The following DNAAF5 variants were observed in gnomAD, a reference collection of about 807,000 sequenced individuals.
DNAAF5 encodes the protein dynein axonemal assembly factor 5.
Under a neutral mutation model 75.8 loss-of-function variants are expected in DNAAF5, and 64 were observed. That is an observed-to-expected ratio of 0.84 (90% CI 0.69 to 1.04). The LOEUF is 1.04. Among genes scored for constraint, DNAAF5 ranks in the 50% least tolerant of loss-of-function variants. The probability of loss-of-function intolerance (pLI) is 0.00; values close to 1 mark genes in which losing one functional copy is unlikely to be tolerated. For missense variants in DNAAF5, 1,269 were observed against 1,178.5 expected (o/e 1.08, Z -1.12); for synonymous variants, 657 against 557.2 (o/e 1.18, Z -2.52).
At chr7:778,545 T>G (rs570971044) in intron 11 of DNAAF5, 3 of 152,424 alleles carry the variant, frequency 2.0e-5, no homozygotes, top group Admixed American at 1.3e-4. Context: ...AAAGTGGACC[T>G]GCAGGCCATC....
At chr7:776,127 C>T (rs1778753712) in intron 11 of DNAAF5, among the ~76,000 whole-genome samples, 1 of 152,056 alleles carries the variant, frequency 6.6e-6, no homozygotes, top group Admixed American at 6.5e-5. Context: ...ATCACAAAGT[C>T]AAGAGATAGA....
intron 12 of DNAAF5, among the ~76,000 whole-genome samples, chr7:785,263 G>A (rs1191080369): frequency 6.8e-6 from 1 of 147,764 alleles, no homozygotes; most frequent in African/African-American, 2.4e-5. Context: ...TCCCCAGATT[G>A]TGAGTCGGGT....
At position 760,178 on chromosome 7, in the gene DNAAF5, G is replaced by C. The variant is rs971862022; in HGVS notation, c.1471-1575G>C. ...TCTTCTGTGGGTCAGGGCGGGGCCGGGGTGCAAGGACAGAACGCTGCTGTA... is the reference window on the plus strand; with the variant it reads ...TCTTCTGTGGGTCAGGGCGGGGCCGCGGTGCAAGGACAGAACGCTGCTGTA... On this transcript the variant is annotated intron_variant, in intron 6 of 12. Coordinates refer to ENST00000297440, the MANE Select transcript of DNAAF5 (RefSeq NM_017802.4). Among the ~76,000 whole-genome samples, 7 of 152,266 alleles carry C rather than the reference G, an allele frequency of 4.6e-5. No individual in the cohort carries two copies. The East Asian group carries it at 1.4e-3, about 29-fold the overall frequency.
chr7:757,457 G>T (rs1782523559), intron 6 of DNAAF5, among the ~76,000 whole-genome samples: 1 of 152,132 alleles, frequency 6.6e-6, no homozygotes, highest in Non-Finnish European at 1.5e-5. Flanking sequence ...CAGTCCCCAG[G>T]GTACCTGCAC....
At position 774,289 on chromosome 7, in the gene DNAAF5, G is replaced by A. The variant is rs548510342; in HGVS notation, c.2082+91G>A. Reference sequence around the variant, plus strand: ...CAGAGCTCCCGCAGCAGGAACTTGGGCAGGCAGCAGCTGCACCTCCACCTG... The same window carrying A: ...CAGAGCTCCCGCAGCAGGAACTTGGACAGGCAGCAGCTGCACCTCCACCTG... On this transcript the variant is annotated intron_variant, in intron 10 of 12. Transcript: ENST00000297440. 357 of 1,328,290 alleles carry A rather than the reference G, an allele frequency of 2.7e-4. 1 individual carries two copies. In the African/African-American group the frequency reaches 4.5e-3, roughly 17 times the overall value. The allele number at this position is 1,328,290 out of a possible 1,614,324, so 82.3% of individuals were successfully genotyped here. A position where few individuals can be genotyped will look rare whatever the true frequency, so the allele number is the denominator to read the frequency against.
At chr7:729,325 G>A (rs931346809) in intron 1 of DNAAF5, among the ~76,000 whole-genome samples, 5 of 152,292 alleles carry the variant, frequency 3.3e-5, no homozygotes, top group East Asian at 3.9e-4. Flanking sequence ...CAGTGTCCCC[G>A]TCAGGCCTCC....
intron 12 of DNAAF5, among the ~76,000 whole-genome samples, chr7:782,950 G>C (rs1779023337): frequency 6.6e-6 from 1 of 152,186 alleles, no homozygotes; most frequent in Admixed American, 6.5e-5. Context: ...AACTCGGATC[G>C]TCCTGGGGTG....
intron 2 of DNAAF5, among the ~76,000 whole-genome samples, chr7:731,717 A>G (rs1029308413): frequency 1.3e-5 from 2 of 151,588 alleles, no homozygotes; most frequent in African/African-American, 4.9e-5. Flanking sequence ...AGCTATCATT[A>G]GTGTTAGTGT....
chr7:776,241 C>A lies in DNAAF5; in HGVS notation c.2239+1079C>A, dbSNP rs898589076. Reference sequence around the variant, plus strand: ...GTTCCAGCTACTCAGGAGGCTGAGGCAAGAGAATCGCTTCAACTCAGGAGG... The same window carrying A: ...GTTCCAGCTACTCAGGAGGCTGAGGAAAGAGAATCGCTTCAACTCAGGAGG... On this transcript the variant is annotated intron_variant, in intron 11 of 12. Coordinates refer to ENST00000297440, the MANE Select transcript of DNAAF5 (RefSeq NM_017802.4). 5.3e-5 allele frequency among the ~76,000 whole-genome samples: 8 copies of A among 152,052 alleles called. No individual in the cohort carries two copies. The East Asian group carries it at 1.5e-3, about 29-fold the overall frequency.
intron 7 of DNAAF5, among the ~76,000 whole-genome samples, chr7:763,050 G>A (rs953215106): frequency 8.6e-5 from 13 of 152,036 alleles, no homozygotes; most frequent in African/African-American, 1.4e-4. Flanking sequence ...AGCCCCTCTC[G>A]GCAGATTCTC....
At chr7:769,698 C>T (rs1042661753) in intron 8 of DNAAF5, among the ~76,000 whole-genome samples, 1 of 152,206 alleles carries the variant, frequency 6.6e-6, no homozygotes, top group African/African-American at 2.4e-5. Context: ...GCTCTTGGTG[C>T]CCAGGCTGGA....
At chr7:764,111 T>G in intron 8 of DNAAF5, 137 bp downstream of exon 8, 1 of 871,342 alleles carries the variant, frequency 1.1e-6, no homozygotes, top group East Asian at 2.6e-5. Flanking sequence ...AAGTACCCAA[T>G]AGTCACTCTT....
At position 754,476 on chromosome 7, in the gene DNAAF5, T is replaced by G. The variant is rs577975167; in HGVS notation, c.1025-113T>G. ...TTTGCGTCCACCCCAAGACTTGTTTTGAAATGGTGAGGTTGAAACTCACAG... is the reference window on the plus strand; with the variant it reads ...TTTGCGTCCACCCCAAGACTTGTTTGGAAATGGTGAGGTTGAAACTCACAG... On this transcript the variant is annotated intron_variant, in intron 4 of 12. Coordinates refer to ENST00000297440, the MANE Select transcript of DNAAF5 (RefSeq NM_017802.4). This position sits in a 1 kb window ranked among gnomAD's most constrained non-coding sequence, Gnocchi z 4.8. 6.7e-6 allele frequency: 6 copies of G among 891,602 alleles called. No individual in the cohort carries two copies. The African/African-American group carries it at 9.9e-5, about 15-fold the overall frequency. 55.2% of individuals were successfully genotyped at this position (891,602 alleles called of 1,614,324 possible).
At chr7:753,603 C>CTG (rs1395610128) in intron 4 of DNAAF5, among the ~76,000 whole-genome samples, 3 of 150,652 alleles carry the variant, frequency 2.0e-5, no homozygotes, top group Non-Finnish European at 4.4e-5. Flanking sequence ...ACAGACGTGT[C>CTG]TCTCATCATA....
intron 2 of DNAAF5, among the ~76,000 whole-genome samples, chr7:738,617 C>T (rs892693182): frequency 2.6e-5 from 4 of 151,992 alleles, no homozygotes; most frequent in African/African-American, 9.7e-5. Context: ...CTTTTTTAAA[C>T]TCTTATATGG....
At chr7:746,804 G>C (rs933407602) in intron 4 of DNAAF5, among the ~76,000 whole-genome samples, 2 of 152,178 alleles carry the variant, frequency 1.3e-5, no homozygotes, top group South Asian at 4.1e-4. Flanking sequence ...CCTGCATGTG[G>C]GCATCTCCAC....
intron 8 of DNAAF5, among the ~76,000 whole-genome samples, chr7:767,729 G>A (rs1205675233): frequency 6.7e-6 from 1 of 149,754 alleles, no homozygotes; most frequent in East Asian, 2.0e-4. Context: ...TCCGTGCTGC[G>A]AGGCGGAGCT....
At position 785,730 on chromosome 7, in the gene DNAAF5, G is replaced by A; in HGVS notation, c.*77G>A. 1 of 1,536,640 alleles carries A rather than the reference G, an allele frequency of 6.5e-7. No homozygotes were observed. The highest frequency in any genetic ancestry group is 8.8e-7 in the Non-Finnish European group (1 of 1,133,274). On this transcript the variant is annotated 3_prime_UTR_variant, in exon 13 of 13. Transcript: ENST00000297440. ...TGTGGCCTTTAAATCTCATAAACAA[G>A]GCACCTCTGTGCCAGCAGTGAGACT...
chr7:735,725 C>T (rs1358245222), intron 2 of DNAAF5, among the ~76,000 whole-genome samples: 2 of 152,044 alleles, frequency 1.3e-5, no homozygotes, highest in Non-Finnish European at 2.9e-5. Context: ...TTTGCTTGTC[C>T]AAAAATCTAA....
Sources: allele counts gnomAD v4.1 joint callset (sites outside exome capture counted in the v4.1 genomes callset), GRCh38; gene constraint gnomAD v4.1.1; non-coding constraint Gnocchi (gnomAD v3.1); transcripts MANE v1.5; gene names NCBI Gene and HGNC (gene_info 2026-07-23, HGNC 2026-07-21).